The following KDR variants were observed in gnomAD, a reference collection of about 807,000 sequenced individuals.
KDR encodes the protein vascular endothelial growth factor receptor 2.
Under a neutral mutation model 160.9 loss-of-function variants are expected in KDR, and 43 were observed. The ratio of observed to expected loss-of-function variants is 0.27; its 90% confidence interval spans 0.21 to 0.34. KDR has a LOEUF of 0.34. Ranked by LOEUF, KDR falls within the 10% of genes least tolerant of loss-of-function variation. The pLI is 1.00. For missense variants in KDR, 1,469 were observed against 1,666.4 expected (o/e 0.88, Z 2.06); for synonymous variants, 617 against 600.1 (o/e 1.03, Z -0.41).
Position 55,114,902 on chromosome 4 carries a change from C to G in KDR, c.630G>C (p.Gln210His), listed in dbSNP as rs1259259717. The change falls in exon 5 of 30, where the codon CAG becomes CAC. Residue 210 changes from glutamine to histidine, a missense_variant. Gln to His is a conservative substitution (Grantham distance 24). Around this residue, in one of 7 missense-constraint regions of KDR, gnomAD observed 792 missense variants for 840.9 expected, o/e 0.94. Coordinates refer to ENST00000263923, the MANE Select transcript of KDR (RefSeq NM_002253.4). The stretch of plus-strand genomic sequence containing the variant: ...CAACGACAACTATGTACATAATAGA[C>G]TGGTAACTTTCATCATTAATTTTTG... ...CEAKINDESY[Q>H]SIMYIVVVVG... 7.4e-6 allele frequency: 12 copies of G among 1,613,658 alleles called. No individual in the cohort carries two copies. In the Admixed American group the frequency reaches 2.0e-4, roughly 27 times the overall value.
At chr4:55,088,747 T>A (rs948004894) in intron 26 of KDR, 121 bp downstream of exon 26, 1 of 731,354 alleles carries the variant, frequency 1.4e-6, no homozygotes. Context: ...TGTAGAAGAA[T>A]ACAGTAGATT....
rs1382860627 is a variant in KDR at position 55,125,386 on chromosome 4, C to A, written c.-93G>T. 1 of 1,442,132 alleles carries A rather than the reference C, an allele frequency of 6.9e-7. No homozygotes were observed. The highest frequency in any genetic ancestry group is 9.5e-7 in the Non-Finnish European group (1 of 1,058,084). The allele number at this position is 1,442,132 out of a possible 1,614,324, so 89.3% of individuals were successfully genotyped here. The stretch of plus-strand genomic sequence containing the variant: ...GAGAAGGAGGCGCGGAGGTGGAACT[C>A]GCGGCACCCCGCAGCGCAGGACAGT... On this transcript the variant is annotated 5_prime_UTR_variant, in exon 1 of 30. Transcript: ENST00000263923.
intron 15 of KDR, among the ~76,000 whole-genome samples, chr4:55,101,141 A>G (rs928877107): frequency 5.9e-5 from 9 of 152,326 alleles, no homozygotes; most frequent in African/African-American, 2.2e-4. Flanking sequence ...ATTGACTGCC[A>G]TGATTAGGCA....
chr4:55,079,809 C>T lies in KDR; in HGVS notation c.*132G>A, dbSNP rs1719682848. On this transcript the variant is annotated 3_prime_UTR_variant, in exon 30 of 30. Transcript: ENST00000263923. Reference sequence around the variant, plus strand: ...CCTAGAAGACTGGCTCCCTGCAGTCCGAGGTCCTTTTTCTGTTGTCGAAAT... The same window carrying T: ...CCTAGAAGACTGGCTCCCTGCAGTCTGAGGTCCTTTTTCTGTTGTCGAAAT... 1.3e-5 allele frequency: 11 copies of T among 816,660 alleles called. No individual in the cohort carries two copies. Among genetic ancestry groups the T allele is most frequent in the Middle Eastern group, 6.8e-4 (2 of 2,952 alleles). 50.6% of individuals were successfully genotyped at this position (816,660 alleles called of 1,614,324 possible).
chr4:55,098,665 G>A (rs2110017969), intron 16 of KDR, 32 bp downstream of exon 16: 1 of 1,501,772 alleles, frequency 6.7e-7, no homozygotes, highest in Non-Finnish European at 9.3e-7. Flanking sequence ...GAAAACCAAT[G>A]TGCATGGGCA....
chr4:55,089,571 T>TG, intron 24 of KDR, 98 bp from the exon 25 acceptor site: 2 of 1,183,590 alleles, frequency 1.7e-6, no homozygotes, highest in South Asian at 1.3e-5. Context: ...TATGTATCTA[T>TG]TTTTTTTTTC....
chr4:55,088,665 C>T (rs576747491), intron 26 of KDR, among the ~76,000 whole-genome samples: 3 of 152,108 alleles, frequency 2.0e-5, no homozygotes, highest in Admixed American at 6.5e-5. Flanking sequence ...TGGTCTGCTC[C>T]CGGGTTATAA....
rs184334397 is a variant in KDR, at chr4:55,111,214, C to G, written c.977-446G>C. ...CAGGTTTAAAGTATCATTCACGTAC[C>G]TCCTAAATGTGTTATCTTCTGCCCT... On this transcript the variant is annotated intron_variant, in intron 7 of 29. Coordinates refer to ENST00000263923, the MANE Select transcript of KDR (RefSeq NM_002253.4). 3.7e-4 allele frequency among the ~76,000 whole-genome samples: 56 copies of G among 152,242 alleles called. No homozygotes were observed. The East Asian group carries it at 9.9e-3, about 27-fold the overall frequency.
chr4:55,121,898 A>G (rs1390104933), intron 1 of KDR, among the ~76,000 whole-genome samples: 1 of 145,648 alleles, frequency 6.9e-6, no homozygotes, highest in East Asian at 1.9e-4. Flanking sequence ...TGTCTACTGT[A>G]ATTCATTAGC....
At chr4:55,108,438 G>A (rs895965874) in intron 9 of KDR, among the ~76,000 whole-genome samples, 1 of 152,092 alleles carries the variant, frequency 6.6e-6, no homozygotes, top group Non-Finnish European at 1.5e-5. Context: ...TGTTTGAAGT[G>A]CTTTGCATGA....
intron 3 of KDR, among the ~76,000 whole-genome samples, chr4:55,116,196 C>T (rs1720732562): frequency 6.6e-6 from 1 of 152,048 alleles, no homozygotes; most frequent in Admixed American, 6.6e-5. Context: ...GCAGGTGGAT[C>T]ACTTGAGGTC....
intron 16 of KDR, 121 bp downstream of exon 16, chr4:55,098,576 G>C: frequency 1.2e-6 from 1 of 806,910 alleles, no homozygotes; most frequent in East Asian, 2.6e-5. Flanking sequence ...TTATTGTATT[G>C]AAATAAAAAT....
At chr4:55,110,003 T>C (rs906761913) in intron 9 of KDR, among the ~76,000 whole-genome samples, 1 of 152,086 alleles carries the variant, frequency 6.6e-6, no homozygotes, top group Admixed American at 6.6e-5. Context: ...AACTACAACA[T>C]CAAACTAGAA....
intron 13 of KDR, 34 bp downstream of exon 13, chr4:55,104,609 G>C: frequency 6.5e-7 from 1 of 1,549,230 alleles, no homozygotes; most frequent in Non-Finnish European, 8.9e-7. Flanking sequence ...CATTCCAACT[G>C]CCTCTGCACA....
chr4:55,098,069 A>G, intron 17 of KDR, 68 bp downstream of exon 17: 4 of 1,571,792 alleles, frequency 2.5e-6, no homozygotes, highest in Non-Finnish European at 2.6e-6. Context: ...CACATTTGTC[A>G]TCATTCTAAT....
At chr4:55,105,176 C>A (rs1425560235) in intron 12 of KDR, among the ~76,000 whole-genome samples, 192 bp from the exon 13 acceptor site, 1 of 152,162 alleles carries the variant, frequency 6.6e-6, no homozygotes. Context: ...AAACACATTA[C>A]TTGAAAATGT....
At chr4:55,085,563 C>T (rs950780281) in intron 27 of KDR, among the ~76,000 whole-genome samples, 6 of 152,130 alleles carry the variant, frequency 3.9e-5, no homozygotes, top group African/African-American at 2.4e-5. Context: ...TGAAGCATGC[C>T]GTGTGCAAAT....
chr4:55,082,069 G>A lies in KDR; in HGVS notation c.3763-28C>T, dbSNP rs768749786. Reference sequence around the variant, plus strand: ...TTTTAAGAGACAATGAGATGGCACAGTTAATTGAGCATATAAAATGACCAA... The same window carrying A: ...TTTTAAGAGACAATGAGATGGCACAATTAATTGAGCATATAAAATGACCAA... On this transcript the variant is annotated intron_variant, in intron 28 of 29. Coordinates refer to ENST00000263923, the MANE Select transcript of KDR (RefSeq NM_002253.4). 5.6e-6 allele frequency: 8 copies of A among 1,423,140 alleles called. No individual in the cohort carries two copies. In the South Asian group the frequency reaches 9.2e-5, roughly 16 times the overall value. 88.2% of individuals were successfully genotyped at this position (1,423,140 alleles called of 1,614,324 possible). A position where few individuals can be genotyped will look rare whatever the true frequency, so the allele number is the denominator to read the frequency against.
intron 27 of KDR, among the ~76,000 whole-genome samples, chr4:55,085,878 T>C (rs777580414): frequency 6.6e-6 from 1 of 152,198 alleles, no homozygotes; most frequent in Non-Finnish European, 1.5e-5. Flanking sequence ...GTGCTTCCAT[T>C]ACACAAACAT....
Sources: gnomAD v4.1 joint callset for allele counts (sites outside exome capture counted in the v4.1 genomes callset) on GRCh38, gnomAD v4.1.1 for gene constraint, gnomAD v4.1.1 regional missense constraint, MANE v1.5 for transcripts, NCBI Gene and HGNC (gene_info 2026-07-23, HGNC 2026-07-21) for gene names.